Variants in FAT2 observed in about 807,000 individuals in gnomAD.
FAT2 encodes protocadherin Fat 2.
A neutral mutation model predicts 295.3 loss-of-function variants in FAT2; 150 were observed. The observed-to-expected ratio is 0.51, with a 90% CI of 0.44 to 0.58. FAT2 has a LOEUF of 0.58. FAT2 is among the 20% of genes least tolerant of loss of function. The pLI, the probability that FAT2 is intolerant of heterozygous loss-of-function variation, is 0.00. For missense variants in FAT2, 4,868 were observed against 5,442.7 expected, an observed-to-expected ratio of 0.89 and a Z score of 3.32; for synonymous variants, 2,026 against 2,150.3, an observed-to-expected ratio of 0.94 and a Z score of 1.60.
chr5:151,544,222 C>G lies in FAT2; in HGVS notation c.6905G>C (p.Gly2302Ala). 1 of 1,614,164 alleles carries G rather than the reference C, an allele frequency of 6.2e-7. No individual in the cohort carries two copies. Among genetic ancestry groups the G allele is most frequent in the Non-Finnish European group, 8.5e-7 (1 of 1,180,020 alleles). The change falls in exon 10 of 24, where the codon GGG becomes GCG. Residue 2302 changes from glycine (G) to alanine (A), a missense_variant. Gly to Ala is a moderately conservative substitution (Grantham distance 60, BLOSUM62 0). Around this residue, in one of 5 missense-constraint regions of FAT2, gnomAD observed 3,297 missense variants for 3,669.4 expected, o/e 0.90. Coordinates refer to ENST00000261800, the MANE Select transcript of FAT2 (RefSeq NM_001447.3). ...IQLLASDQDS[G>A]RNRDVSYQIV... ...CTGATAAGAGACGTCACGGTTCCGC[C>G]CTGAGTCCTGGTCAGAAGCCAACAG... is the stretch of plus-strand genomic sequence containing the variant.
In FAT2 at chr5:151,567,585, C is replaced by T. The variant is rs183292684; in HGVS notation, c.1347G>A (p.Val449=). The change falls in exon 2 of 24, where the codon GTG becomes GTA. Residue 449 remains valine, a synonymous_variant. Coordinates refer to ENST00000261800, the MANE Select transcript of FAT2 (RefSeq NM_001447.3). ...AGAGGGGGGCATGGTTGTTGCAGTC[C>T]ACAATGTCAATGACCACCACGGTGG... ...QASTVVVIDI[V]DCNNHAPLFN... is the part of the protein sequence containing the mutation. 1.8e-5 allele frequency: 29 copies of T among 1,614,130 alleles called. No homozygotes were observed. Among genetic ancestry groups the T allele is most frequent in the Non-Finnish European group, 2.5e-5 (29 of 1,180,028 alleles).
intron 2 of FAT2, among the ~76,000 whole-genome samples, chr5:151,565,320 A>G (rs1758197252): frequency 6.6e-6 from 1 of 152,090 alleles, no homozygotes; most frequent in South Asian, 2.1e-4. Context: ...AAGAAACTTT[A>G]GAAGATTATA....
At chr5:151,558,497 T>A (rs1364037905) in intron 3 of FAT2, among the ~76,000 whole-genome samples, 1 of 151,980 alleles carries the variant, frequency 6.6e-6, no homozygotes, top group African/African-American at 2.4e-5. Context: ...CGTGTGCCTG[T>A]AGTCCCAGCT....
At chr5:151,533,135 G>A (rs1754835142) in intron 13 of FAT2, among the ~76,000 whole-genome samples, 1 of 152,102 alleles carries the variant, frequency 6.6e-6, no homozygotes, top group African/African-American at 2.4e-5. Context: ...GGCAGGACCA[G>A]GAATGACAGA....
rs202149437 is a variant in FAT2, at chr5:151,525,968, G to T, written c.10309-3C>A. On this transcript the variant is annotated splice_region_variant and splice_polypyrimidine_tract_variant and intron_variant, in intron 17 of 23. Transcript: ENST00000261800. ...TTGCTGCCAATGGGGGAGTTCTCCT[G>T]AGACCGAGAGTGACAAAGAAGGCAA... 7.4e-5 allele frequency: 119 copies of T among 1,613,706 alleles called. No individual in the cohort carries two copies. Among genetic ancestry groups the T allele is most frequent in the Non-Finnish European group, 9.5e-5 (112 of 1,179,902 alleles).
At chr5:151,526,876 G>A (rs1354704915) in intron 17 of FAT2, among the ~76,000 whole-genome samples, 1 of 152,100 alleles carries the variant, frequency 6.6e-6, no homozygotes, top group Non-Finnish European at 1.5e-5. Context: ...CATTAGTAGG[G>A]AATAGCTTGG....
At chr5:151,511,290 G>T (rs796348841) in intron 21 of FAT2, 12 of 152,320 alleles carry the variant, frequency 7.9e-5, no homozygotes, top group African/African-American at 2.9e-4. Flanking sequence ...ACAGGCATGT[G>T]GGTACATAGG....
chr5:151,579,902 T>C (rs1375104386), intron 1 of FAT2, among the ~76,000 whole-genome samples: 2 of 152,196 alleles, frequency 1.3e-5, no homozygotes, highest in Non-Finnish European at 2.9e-5. Flanking sequence ...CTTCTTATGT[T>C]AAGCAGATTG....
intron 4 of FAT2, among the ~76,000 whole-genome samples, chr5:151,554,974 C>T (rs1163424606): frequency 1.3e-5 from 2 of 152,186 alleles, no homozygotes; most frequent in East Asian, 1.9e-4. Flanking sequence ...CTACTTTTTA[C>T]TTGCTTGTGT....
chr5:151,566,909 C>A lies in FAT2; in HGVS notation c.2023G>T (p.Val675Leu). 1.9e-6 allele frequency: 3 copies of A among 1,614,092 alleles called. No homozygotes were observed. Among genetic ancestry groups the A allele is most frequent in the Non-Finnish European group, 2.5e-6 (3 of 1,179,998 alleles). The stretch of plus-strand genomic sequence containing the variant: ...ATAGTCTTTGTGAATTGTGTCAATA[C>A]CCCTGTTTTATCACATGTTACAGGA... ...EVPVTCDKTG[V>L]LTQFTKTILH... The change falls in exon 2 of 24, where the codon GTA (valine) becomes TTA (leucine). Residue 675 changes from valine to leucine, a missense_variant. Val to Leu is a conservative substitution (Grantham distance 32). Transcript: ENST00000261800.
chr5:151,577,913 G>C (rs1758804413), intron 1 of FAT2, among the ~76,000 whole-genome samples: 1 of 152,086 alleles, frequency 6.6e-6, no homozygotes, highest in African/African-American at 2.4e-5. Context: ...AGGGAGGGAA[G>C]GGAGGAATCC....
At position 151,529,250 on chromosome 5, in the gene FAT2, C is replaced by T. The variant is rs2127588659; in HGVS notation, c.9954G>A (p.Arg3318=). Residue 3318 remains arginine (R), a synonymous_variant, in exon 15 of 24, where the codon CGG becomes CGA. Transcript: ENST00000261800. ...MVNITDVNEH[R]PQFPQDPYST... is the part of the protein sequence containing the mutation. ...TATATGGATCTTGGGGGAATTGGGG[C>T]CGGTGTTCATTGACATCAGTGATGT... 2 of 1,613,998 alleles carry T rather than the reference C, an allele frequency of 1.2e-6. No individual in the cohort carries two copies. Among genetic ancestry groups the T allele is most frequent in the South Asian group, 2.2e-5 (2 of 91,070 alleles).
At position 151,507,145 on chromosome 5, in the gene FAT2, T is replaced by C; in HGVS notation, c.12517+9A>G. On this transcript the variant is annotated intron_variant, in intron 23 of 23. Transcript: ENST00000261800. ...ATCCCAGAGGCTAAGCGTCTCTGGC[T>C]ATACTGACCCATCTCCTCGCTGGAC... The C allele has an allele frequency of 6.4e-7, 1 of 1,563,052 alleles. No individual in the cohort carries two copies. Among genetic ancestry groups the C allele is most frequent in the Non-Finnish European group, 8.7e-7 (1 of 1,153,308 alleles).
Position 151,561,289 on chromosome 5 carries a change from A to T in FAT2, c.3574+2036T>A, listed in dbSNP as rs182245680. On this transcript the variant is annotated intron_variant, in intron 3 of 23. Coordinates refer to ENST00000261800, the MANE Select transcript of FAT2 (RefSeq NM_001447.3). ...CTGAGGCAGGCCATGTGACTGGAAC[A>T]TGGGGAGGGGCAGCAGGAGAGGGGC... Among the ~76,000 whole-genome samples the T allele has an allele frequency of 6.6e-4, 101 of 152,294 alleles. 2 individuals are homozygous for T. The highest frequency in any genetic ancestry group is 2.3e-3 in the African/African-American group (95 of 41,564).
intron 3 of FAT2, among the ~76,000 whole-genome samples, chr5:151,562,129 T>C (rs34335300): frequency 0.48 from 72,531 of 151,606 alleles, 17,552 homozygotes; most frequent in Non-Finnish European, 0.53. Flanking sequence ...AGGTTGACAA[T>C]AAATGTTACC....
chr5:151,549,223 A>G, intron 9 of FAT2, 72 bp downstream of exon 9: 3 of 1,435,836 alleles, frequency 2.1e-6, no homozygotes, highest in Non-Finnish European at 2.9e-6. Context: ...TTGCGAATTC[A>G]TGCCTCTAGT....
At chr5:151,535,531 C>G (rs1328350065) in intron 12 of FAT2, among the ~76,000 whole-genome samples, 2 of 149,200 alleles carry the variant, frequency 1.3e-5, no homozygotes, top group Non-Finnish European at 3.0e-5. Flanking sequence ...ATGGGAGCCC[C>G]TTTCCTCATG....
intron 2 of FAT2, 26 bp downstream of exon 2, chr5:151,565,647 A>AGCCCCCCCCC: frequency 1.4e-6 from 2 of 1,461,026 alleles, no homozygotes; most frequent in Non-Finnish European, 1.9e-6. Flanking sequence ...TGGCCCTGGC[A>AGCCCCCCCCC]CCCCACCCTA....
At position 151,543,262 on chromosome 5, in the gene FAT2, T is replaced by G. The variant is rs898518094; in HGVS notation, c.7865A>C (p.Tyr2622Ser). 2.5e-6 allele frequency: 4 copies of G among 1,614,044 alleles called. No individual in the cohort carries two copies. The highest frequency in any genetic ancestry group is 3.4e-6 in the Non-Finnish European group (4 of 1,180,022). Residue 2622 changes from tyrosine to serine, a missense_variant, in exon 10 of 24, where the codon TAC becomes TCC. Tyr to Ser is a moderately radical substitution (Grantham distance 144). Transcript: ENST00000261800. ...ADEGQNADVT[Y>S]SVNPEDLVKD... ...AACTAGGTCCTCTGGGTTCACTGAG[T>G]AGGTGACATCTGCGTTCTGACCTTC...
Sources: gnomAD v4.1 joint callset for allele counts (sites outside exome capture counted in the v4.1 genomes callset) on GRCh38, gnomAD v4.1.1 for gene constraint, gnomAD v4.1.1 regional missense constraint, MANE v1.5 for transcripts, NCBI Gene and HGNC (gene_info 2026-07-23, HGNC 2026-07-21) for gene names.